Variants in MIOS observed in about 807,000 individuals in gnomAD.
The protein encoded by MIOS is GATOR2 complex protein MIOS.
MIOS carries 52 observed loss-of-function variants against 96.9 expected under a neutral mutation model. The ratio of observed to expected loss-of-function variants is 0.54; its 90% CI spans 0.43 to 0.68. MIOS has a LOEUF of 0.68. MIOS is among the 30% of genes least tolerant of loss of function. The pLI, the probability that MIOS is intolerant of heterozygous loss-of-function variation, is 0.00. For synonymous variants in MIOS, 397 were observed against 359.5 expected, an observed-to-expected ratio of 1.10 and a Z score of -1.18; for missense variants, 1,005 against 1,052.8, an observed-to-expected ratio of 0.95 and a Z score of 0.63.
chr7:7,593,879 C>CAAAAAAA (rs35986278), intron 9 of MIOS, among the ~76,000 whole-genome samples: 17 of 47,806 alleles, frequency 3.6e-4, no homozygotes, highest in African/African-American at 8.6e-4. Context: ...ACTCTGTCTC[C>CAAAAAAA]AAAAAAAAAA....
chr7:7,601,274 C>G lies in MIOS; in HGVS notation c.2402-4668C>G, dbSNP rs553699960. ...AGACCCTTCAAAAAATCAATGAATC[C>G]AGGAGCTGGTTTTTTTTTTGAAAAG... On this transcript the variant is annotated intron_variant, in intron 11 of 12. Transcript: ENST00000340080. Among the ~76,000 whole-genome samples the G allele has an allele frequency of 3.3e-5, 5 of 151,154 alleles. No individual in the cohort carries two copies. In the East Asian group the frequency reaches 9.7e-4, roughly 29 times the overall value.
intron 5 of MIOS, among the ~76,000 whole-genome samples, chr7:7,576,165 C>A (rs1272911036): frequency 1.3e-5 from 2 of 152,094 alleles, no homozygotes; most frequent in Non-Finnish European, 2.9e-5. Context: ...AGTTGCTTTT[C>A]CCATGTTACT....
chr7:7,606,984 C>G lies in MIOS; in HGVS notation c.2532-12C>G, dbSNP rs757787160. The G allele has an allele frequency of 1.9e-6, 3 of 1,592,238 alleles. No homozygotes were observed. Among genetic ancestry groups the G allele is most frequent in the African/African-American group, 2.7e-5 (2 of 73,996 alleles). ...TTTGGATTTTTAACTGTTATTTGAC[C>G]TATTTTTTTAGGGACCATGCAGAGT... On this transcript the variant is annotated splice_polypyrimidine_tract_variant and intron_variant, in intron 12 of 12. Transcript: ENST00000340080.
intron 11 of MIOS, among the ~76,000 whole-genome samples, chr7:7,597,484 ATATATATATATATATATATATATATATAT>A (rs1784241718): frequency 3.9e-5 from 2 of 51,372 alleles, no homozygotes; most frequent in Admixed American, 4.1e-4. Context: ...ATATATATAT[ATATATATATATATATATATATATATATAT>A]ATATGAAGGC....
chr7:7,569,751 G>C (rs1265858649), intron 3 of MIOS, among the ~76,000 whole-genome samples: 1 of 152,152 alleles, frequency 6.6e-6, no homozygotes, highest in Non-Finnish European at 1.5e-5. Context: ...ACCAGACCTC[G>C]ACTAGGGAGG....
chr7:7,573,479 A>C lies in MIOS; in HGVS notation c.1004A>C (p.Gln335Pro). 6.2e-7 allele frequency: 1 copy of C among 1,614,162 alleles called. No individual in the cohort carries two copies. The highest frequency in any genetic ancestry group is 1.6e-4 in the Middle Eastern group (1 of 6,062). Reference protein sequence around the residue: ...IASFAWHPTSQNRMIVVTPNR... With the variant: ...IASFAWHPTSPNRMIVVTPNR... ...TCCTTTGCGTGGCATCCAACAAGTCAAAATCGAATGATAGTTGTAACTCCC... is the reference window on the plus strand; with the variant it reads ...TCCTTTGCGTGGCATCCAACAAGTCCAAATCGAATGATAGTTGTAACTCCC... The change falls in exon 4 of 13, where the codon CAA becomes CCA. Residue 335 changes from glutamine (Q) to proline (P), a missense_variant. Physicochemically the swap from Gln to Pro is moderately conservative, Grantham distance 76. Transcript: ENST00000340080. The surrounding 1 kb of genome is among the most constrained non-coding windows in gnomAD (Gnocchi z 5.0).
chr7:7,581,810 C>T (rs1481314713), intron 5 of MIOS: 1 of 152,196 alleles, frequency 6.6e-6, no homozygotes, highest in South Asian at 2.1e-4. Context: ...TCTCTCTTAC[C>T]TCGAGACTGT....
chr7:7,594,400 G>A (rs902158862), intron 9 of MIOS, among the ~76,000 whole-genome samples: 3 of 151,886 alleles, frequency 2.0e-5, no homozygotes, highest in Non-Finnish European at 2.9e-5. Flanking sequence ...TCCGCCTCCC[G>A]GTTCAGGCAT....
chr7:7,568,922 G>A (rs1419994575), intron 3 of MIOS, among the ~76,000 whole-genome samples: 1 of 152,212 alleles, frequency 6.6e-6, no homozygotes, highest in African/African-American at 2.4e-5. Context: ...GATATTCTCC[G>A]TTGAGAGTCA....
intron 4 of MIOS, 41 bp from the exon 5 acceptor site, chr7:7,574,057 T>C (rs781697556): frequency 4.9e-6 from 7 of 1,418,740 alleles, no homozygotes; most frequent in South Asian, 2.5e-5. Flanking sequence ...CTTTGAAATA[T>C]ATTGTCATGC....
intron 5 of MIOS, 96 bp from the exon 6 acceptor site, chr7:7,583,022 A>G (rs1783778794): frequency 7.8e-7 from 1 of 1,285,468 alleles, no homozygotes. Flanking sequence ...GAGAAGTTAA[A>G]TATTCTAAAT....
At chr7:7,595,180 C>A in intron 10 of MIOS, 48 bp downstream of exon 10, 2 of 1,561,474 alleles carry the variant, frequency 1.3e-6, no homozygotes, top group South Asian at 2.4e-5. Context: ...TGTTGATGTT[C>A]AATTTAATAA....
intron 3 of MIOS, among the ~76,000 whole-genome samples, chr7:7,568,557 C>T (rs760793278): frequency 6.6e-6 from 1 of 152,260 alleles, no homozygotes; most frequent in Non-Finnish European, 1.5e-5. Context: ...GATGTGCAAC[C>T]TGTGCAGTAG....
rs979320769 is a variant in MIOS at position 7,583,387 on chromosome 7, A to G, written c.1648+15A>G. ...TTCTGAAAAAGGTATTAGGTTATAAACTAAGATATTAGTTATAATCTAAGA... is the reference window on the plus strand; with the variant it reads ...TTCTGAAAAAGGTATTAGGTTATAAGCTAAGATATTAGTTATAATCTAAGA... On this transcript the variant is annotated intron_variant, in intron 6 of 12. Coordinates refer to ENST00000340080, the MANE Select transcript of MIOS (RefSeq NM_019005.4). 1.9e-6 allele frequency: 3 copies of G among 1,563,592 alleles called. No homozygotes were observed. The African/African-American group carries it at 4.1e-5, about 21-fold the overall frequency.
At chr7:7,603,569 T>C (rs1363417631) in intron 11 of MIOS, among the ~76,000 whole-genome samples, 42 of 151,986 alleles carry the variant, frequency 2.8e-4, no homozygotes, top group Non-Finnish European at 3.5e-4. Flanking sequence ...ACAACAGGTG[T>C]TGGAGAGGAT....
intron 11 of MIOS, among the ~76,000 whole-genome samples, chr7:7,599,654 ATTG>A (rs1156659415): frequency 2.0e-5 from 3 of 152,194 alleles, no homozygotes; most frequent in Admixed American, 2.0e-4. Flanking sequence ...GAGCAAGTGT[ATTG>A]TTGTGAAAGG....
At chr7:7,605,785 G>A (rs189736230) in intron 11 of MIOS, 157 bp from the exon 12 acceptor site, 2 of 622,428 alleles carry the variant, frequency 3.2e-6, no homozygotes, top group South Asian at 6.5e-5. Context: ...CTGTCATTCA[G>A]TTTCGCTTCA....
intron 11 of MIOS, among the ~76,000 whole-genome samples, chr7:7,601,770 AAAAG>A (rs1336051373): frequency 1.3e-5 from 2 of 152,200 alleles, no homozygotes; most frequent in Non-Finnish European, 2.9e-5. Flanking sequence ...ACACAACAAA[AAAAG>A]AGAATTTTAG....
intron 11 of MIOS, among the ~76,000 whole-genome samples, chr7:7,602,738 C>T (rs1784416063): frequency 6.6e-6 from 1 of 152,026 alleles, no homozygotes; most frequent in Admixed American, 6.6e-5. Flanking sequence ...TCATATGGAA[C>T]CAAAAAAGAG....
Sources: allele counts gnomAD v4.1 joint callset (sites outside exome capture counted in the v4.1 genomes callset), GRCh38; gene constraint gnomAD v4.1.1; non-coding constraint Gnocchi (gnomAD v3.1); transcripts MANE v1.5; gene names NCBI Gene and HGNC (gene_info 2026-07-23, HGNC 2026-07-21).